The following TTC27 variants were observed in gnomAD, a reference collection of about 807,000 sequenced individuals.
The protein encoded by TTC27 is tetratricopeptide repeat domain 27.
In TTC27, 79 loss-of-function variants were observed where a neutral mutation model predicts 115.9. The observed-to-expected ratio is 0.68, with a 90% CI of 0.57 to 0.82. The LOEUF (loss-of-function observed/expected upper bound fraction) is 0.82, where lower values mean the gene tolerates loss of function less well. Among genes scored for constraint, TTC27 ranks in the 40% least tolerant of loss-of-function variants. The pLI is 0.00. For synonymous variants in TTC27, 401 were observed against 356.0 expected (o/e 1.13, Z -1.42); for missense variants, 1,054 against 993.1 (o/e 1.06, Z -0.82).
intron 9 of TTC27, among the ~76,000 whole-genome samples, chr2:32,687,905 A>G (rs546829018): frequency 6.6e-5 from 10 of 152,326 alleles, no homozygotes; most frequent in Non-Finnish European, 1.2e-4. Context: ...CAACTTGGCA[A>G]ACAGCAAGTA....
intron 13 of TTC27, among the ~76,000 whole-genome samples, chr2:32,769,964 G>A (rs532928878): frequency 5.9e-5 from 9 of 152,144 alleles, no homozygotes; most frequent in Non-Finnish European, 1.3e-4. Flanking sequence ...ATGCTTTTGG[G>A]TGGCCTTGTA....
intron 2 of TTC27, among the ~76,000 whole-genome samples, chr2:32,633,438 G>A (rs956449412): frequency 1.6e-4 from 25 of 151,930 alleles, no homozygotes; most frequent in African/African-American, 5.8e-4. Flanking sequence ...AGAGAGACAG[G>A]GTCTCGCTTT....
intron 4 of TTC27, among the ~76,000 whole-genome samples, chr2:32,647,796 C>G (rs1052798969): frequency 6.6e-6 from 1 of 151,684 alleles, no homozygotes; most frequent in Non-Finnish European, 1.5e-5. Flanking sequence ...TATGATGACT[C>G]CTGTAAATAG....
intron 10 of TTC27, among the ~76,000 whole-genome samples, chr2:32,724,294 T>C (rs1339313299): frequency 6.6e-6 from 1 of 152,072 alleles, no homozygotes; most frequent in Non-Finnish European, 1.5e-5. Flanking sequence ...TGTCCATAGG[T>C]CAAAACCATC....
At chr2:32,768,597 A>G (rs1030931918) in intron 13 of TTC27, among the ~76,000 whole-genome samples, 1 of 152,262 alleles carries the variant, frequency 6.6e-6, no homozygotes, top group African/African-American at 2.4e-5. Flanking sequence ...AATGCCCTGT[A>G]TCAAGATTAC....
chr2:32,664,235 T>G, intron 5 of TTC27, 68 bp from the exon 6 acceptor site: 1 of 1,380,248 alleles, frequency 7.2e-7, no homozygotes, highest in South Asian at 1.4e-5. Flanking sequence ...TATTATAGAC[T>G]CTATTTTACA....
intron 12 of TTC27, among the ~76,000 whole-genome samples, chr2:32,739,001 G>A (rs60417777): frequency 0.12 from 17,530 of 152,182 alleles, 1,158 homozygotes; most frequent in Middle Eastern, 0.23. Flanking sequence ...ATAATTAAAA[G>A]CATTTTTTCT....
chr2:32,777,413 TC>T (rs1290392426), intron 13 of TTC27, among the ~76,000 whole-genome samples: 1 of 152,256 alleles, frequency 6.6e-6, no homozygotes, highest in East Asian at 1.9e-4. Context: ...ATGTACATCC[TC>T]CTATATACTT....
chr2:32,798,087 T>A, intron 16 of TTC27, among the ~76,000 whole-genome samples: 1 of 137,086 alleles, frequency 7.3e-6, no homozygotes, highest in African/African-American at 2.9e-5. Flanking sequence ...CTAGGATGGC[T>A]ACTAGAAAAA....
Position 32,646,951 on chromosome 2 carries a change from A to G in TTC27, c.538-3180A>G, listed in dbSNP as rs183962897. The stretch of plus-strand genomic sequence containing the variant: ...GATCTGATTTTTGAGAGTTCAGCAT[A>G]TTATATGTTTTTTTTTGTTTGTTTT... On this transcript the variant is annotated intron_variant, in intron 4 of 19. Transcript: ENST00000317907. 4.0e-5 allele frequency among the ~76,000 whole-genome samples: 6 copies of G among 150,550 alleles called. No individual in the cohort carries two copies. The East Asian group carries it at 1.2e-3, about 29-fold the overall frequency.
chr2:32,632,007 C>T (rs2151858015), intron 2 of TTC27, among the ~76,000 whole-genome samples: 1 of 151,840 alleles, frequency 6.6e-6, no homozygotes, highest in South Asian at 2.1e-4. Context: ...GATGGGGTTT[C>T]ACCATGTTGG....
chr2:32,786,473 C>G (rs573211164), intron 15 of TTC27, among the ~76,000 whole-genome samples: 3 of 152,120 alleles, frequency 2.0e-5, no homozygotes, highest in Non-Finnish European at 4.4e-5. Flanking sequence ...AAATTTATGT[C>G]CTGTTGACTA....
In TTC27 at chr2:32,714,881, G is replaced by A. The variant is rs544119416; in HGVS notation, c.1233+11961G>A. On this transcript the variant is annotated intron_variant, in intron 10 of 19. Transcript: ENST00000317907. Reference sequence around the variant, plus strand: ...TCATATGCTTGTTGGCTGTGCATATGTCTTCTTTTGAAAAGTGACTGTTCA... The same window carrying A: ...TCATATGCTTGTTGGCTGTGCATATATCTTCTTTTGAAAAGTGACTGTTCA... Among the ~76,000 whole-genome samples, 10 of 152,250 alleles carry A rather than the reference G, an allele frequency of 6.6e-5. No homozygotes were observed. The East Asian group carries it at 1.7e-3, about 26-fold the overall frequency.
chr2:32,747,390 A>T (rs1668867087), intron 12 of TTC27, among the ~76,000 whole-genome samples: 1 of 152,218 alleles, frequency 6.6e-6, no homozygotes, highest in Non-Finnish European at 1.5e-5. Context: ...AGTTTAGCCT[A>T]TTCTACCTTA....
chr2:32,755,452 G>A (rs535951643), intron 12 of TTC27, among the ~76,000 whole-genome samples: 53 of 152,206 alleles, frequency 3.5e-4, no homozygotes, highest in Admixed American at 9.2e-4. Context: ...GCGTGGCAGC[G>A]CGTGCCTGCA....
At chr2:32,657,068 C>T (rs1478498343) in intron 5 of TTC27, among the ~76,000 whole-genome samples, 1 of 151,262 alleles carries the variant, frequency 6.6e-6, no homozygotes, top group Admixed American at 6.6e-5. Flanking sequence ...TCACTGCCAG[C>T]CCTGCCTCCC....
rs547635428 is a variant in TTC27, at chr2:32,764,616, A to C, written c.1680+6097A>C. On this transcript the variant is annotated intron_variant, in intron 13 of 19. Coordinates refer to ENST00000317907, the MANE Select transcript of TTC27 (RefSeq NM_017735.5). ...ATAAGGCAACAGTGAAGTTTGCTGC[A>C]TAGATGGACTCTTCCTTTCATGCCA... Among the ~76,000 whole-genome samples the C allele has an allele frequency of 2.0e-5, 3 of 152,340 alleles. No individual in the cohort carries two copies. The South Asian group carries it at 6.2e-4, about 32-fold the overall frequency.
chr2:32,655,236 T>C (rs1050278051), intron 5 of TTC27, among the ~76,000 whole-genome samples: 4 of 152,068 alleles, frequency 2.6e-5, no homozygotes, highest in Admixed American at 2.6e-4. Context: ...ATGATCTGCT[T>C]GCCTTGGCCT....
intron 12 of TTC27, among the ~76,000 whole-genome samples, chr2:32,737,561 A>G (rs1219190190): frequency 1.3e-5 from 2 of 152,214 alleles, no homozygotes; most frequent in Non-Finnish European, 2.9e-5. Context: ...TGGTTCAAGC[A>G]TGTGTTTTTC....
Sources: allele counts gnomAD v4.1 joint callset (sites outside exome capture counted in the v4.1 genomes callset), GRCh38; gene constraint gnomAD v4.1.1; transcripts MANE v1.5; gene names NCBI Gene and HGNC (gene_info 2026-07-23, HGNC 2026-07-21).